ADGRL2: variants seen among roughly 807,000 people sequenced by gnomAD.
ADGRL2 encodes adhesion G protein-coupled receptor L2.
A neutral mutation model predicts 157.4 loss-of-function variants in ADGRL2; 44 were observed. That is an observed-to-expected ratio of 0.28 (90% CI 0.22 to 0.36). ADGRL2 has a LOEUF of 0.36. Among genes scored for constraint, ADGRL2 ranks in the 10% least tolerant of loss-of-function variants. ADGRL2 has a pLI of 1.00. For synonymous variants in ADGRL2, 585 were observed against 624.7 expected, an observed-to-expected ratio of 0.94 and a Z score of 0.95; for missense variants, 1,510 against 1,768.9, an observed-to-expected ratio of 0.85 and a Z score of 2.63.
At chr1:81,563,049 A>G (rs7524055) in intron 2 of ADGRL2, among the ~76,000 whole-genome samples, 5,259 of 152,232 alleles carry the variant, frequency 0.035, 113 homozygotes, top group African/African-American at 0.058. Flanking sequence ...GTGCTGTAAT[A>G]CACTGTATTT....
chr1:81,311,529 A>G (rs12125783), intron 1 of ADGRL2, among the ~76,000 whole-genome samples: 68,680 of 151,960 alleles, frequency 0.45, 15,857 homozygotes, highest in Middle Eastern at 0.55. Context: ...ACTAAGACTA[A>G]AGCCTACTCT....
chr1:81,992,470 G>A lies in ADGRL2; in HGVS notation c.*1325G>A, dbSNP rs1664731168. The A allele has an allele frequency of 6.6e-6, 1 of 152,504 alleles. No individual in the cohort carries two copies. Among genetic ancestry groups the A allele is most frequent in the South Asian group, 2.1e-4 (1 of 4,824 alleles). 9.4% of individuals were successfully genotyped at this position (152,504 alleles called of 1,614,324 possible). ...TATGATACATAATTGGCTTTAACAT[G>A]TTGGTCCATTCCCACCTTGGTTTAA... On this transcript the variant is annotated 3_prime_UTR_variant, in exon 24 of 24. Transcript: ENST00000686636.
At position 81,951,238 on chromosome 1, in the gene ADGRL2, T is replaced by TA. The variant is rs200057725; in HGVS notation, c.1608+126dup. 3,920 of 623,482 alleles carry TA rather than the reference T, an allele frequency of 6.3e-3. 60 individuals are homozygous for TA. Among genetic ancestry groups the TA allele is most frequent in the East Asian group, 0.054 (1,891 of 35,092 alleles). 38.6% of individuals were successfully genotyped at this position (623,482 alleles called of 1,614,324 possible). ...TATTGCTCTTTGTTCAGTATAAAAG[T>TA]AAAAAAAAATTACGCATAGTTTTGT... On this transcript the variant is annotated intron_variant, in intron 8 of 23. Transcript: ENST00000686636.
chr1:81,778,593 C>T (rs1234343547), intron 2 of ADGRL2, among the ~76,000 whole-genome samples: 1 of 152,104 alleles, frequency 6.6e-6, no homozygotes, highest in Admixed American at 6.5e-5. Flanking sequence ...AGCTATTCCG[C>T]ACCGCTCACT....
chr1:81,358,052 C>T (rs1176746030), intron 1 of ADGRL2, among the ~76,000 whole-genome samples: 1 of 152,092 alleles, frequency 6.6e-6, no homozygotes, highest in East Asian at 1.9e-4. Context: ...ACACATTAAA[C>T]TAAAAGACAC....
chr1:81,921,320 A>T (rs2094972861), intron 3 of ADGRL2, among the ~76,000 whole-genome samples: 1 of 152,248 alleles, frequency 6.6e-6, no homozygotes, highest in Non-Finnish European at 1.5e-5. Context: ...ACTATAAAAC[A>T]TGCCACCTCA....
intron 1 of ADGRL2, among the ~76,000 whole-genome samples, chr1:81,440,829 G>T (rs958333202): frequency 5.3e-5 from 8 of 152,064 alleles, no homozygotes; most frequent in Non-Finnish European, 1.0e-4. Flanking sequence ...AATTCCTATT[G>T]ATTGTCTCTG....
rs374036662 is a variant in ADGRL2, at chr1:81,791,572, T to C, written c.-101+29720T>C. Reference sequence around the variant, plus strand: ...TGAATGAATCCACTCAAACCTAATATAATGGGTCAGTGGAACAGTGGCACA... The same window carrying C: ...TGAATGAATCCACTCAAACCTAATACAATGGGTCAGTGGAACAGTGGCACA... On this transcript the variant is annotated intron_variant, in intron 2 of 20. Transcript: ENST00000359929. Among the ~76,000 whole-genome samples the C allele has an allele frequency of 1.3e-3, 190 of 151,254 alleles. 7 individuals carry two copies. The South Asian group carries it at 0.036, about 28-fold the overall frequency.
chr1:81,801,579 C>T (rs1461270308), intron 1 of ADGRL2, among the ~76,000 whole-genome samples: 1 of 152,222 alleles, frequency 6.6e-6, no homozygotes, highest in African/African-American at 2.4e-5. Context: ...CTCCTTGCTT[C>T]CCCGAGCCCG....
chr1:81,468,080 CT>C (rs2078097729), intron 2 of ADGRL2, among the ~76,000 whole-genome samples: 2 of 151,968 alleles, frequency 1.3e-5, no homozygotes, highest in South Asian at 4.1e-4. Flanking sequence ...ATTTGGTTTT[CT>C]CGAAGATTGA....
chr1:81,324,978 A>G (rs981575258), intron 1 of ADGRL2, among the ~76,000 whole-genome samples: 6 of 152,104 alleles, frequency 3.9e-5, no homozygotes, highest in Admixed American at 3.9e-4. Context: ...CGACCTCCCA[A>G]AGTGCTGGGA....
At chr1:81,341,974 A>G (rs1024319692) in intron 1 of ADGRL2, among the ~76,000 whole-genome samples, 1 of 152,192 alleles carries the variant, frequency 6.6e-6, no homozygotes, top group Non-Finnish European at 1.5e-5. Flanking sequence ...GGTAGTGGTT[A>G]CTATTTTTCA....
intron 1 of ADGRL2, among the ~76,000 whole-genome samples, chr1:81,730,580 G>A (rs911743822): frequency 3.3e-5 from 5 of 152,106 alleles, no homozygotes; most frequent in Admixed American, 6.5e-5. Flanking sequence ...AAACTTAGCC[G>A]GGTGTGGTGG....
chr1:81,528,970 A>C (rs949405076), intron 2 of ADGRL2, among the ~76,000 whole-genome samples: 2 of 152,362 alleles, frequency 1.3e-5, no homozygotes, highest in East Asian at 3.9e-4. Context: ...GGCGATGAAT[A>C]AGATTTCCAG....
chr1:81,832,777 A>G (rs2150123256), intron 1 of ADGRL2, among the ~76,000 whole-genome samples: 1 of 152,314 alleles, frequency 6.6e-6, no homozygotes, highest in Middle Eastern at 3.4e-3. Context: ...AGAATGCTGA[A>G]TGTCTGAAGC....
At chr1:81,594,496 A>G (rs1433541884) in intron 3 of ADGRL2, among the ~76,000 whole-genome samples, 1 of 152,222 alleles carries the variant, frequency 6.6e-6, no homozygotes, top group African/African-American at 2.4e-5. Flanking sequence ...TTTCCTTATT[A>G]TAAGGAAAAG....
chr1:81,690,564 A>C (rs1051324959), intron 3 of ADGRL2, among the ~76,000 whole-genome samples: 1 of 152,204 alleles, frequency 6.6e-6, no homozygotes, highest in South Asian at 2.1e-4. Flanking sequence ...TATCTTGGAG[A>C]GGATGAAATG....
intron 2 of ADGRL2, among the ~76,000 whole-genome samples, chr1:81,559,724 T>C (rs1267623367): frequency 6.6e-6 from 1 of 152,184 alleles, no homozygotes; most frequent in Non-Finnish European, 1.5e-5. Flanking sequence ...GTGCAGGTGT[T>C]ATGTTTTTCA....
intron 1 of ADGRL2, among the ~76,000 whole-genome samples, chr1:81,330,935 T>A (rs1239920796): frequency 6.6e-6 from 1 of 152,186 alleles, no homozygotes; most frequent in African/African-American, 2.4e-5. Flanking sequence ...ATTTTAAAGT[T>A]TAACAACAGA....
Sources: gnomAD v4.1 joint callset for allele counts (sites outside exome capture counted in the v4.1 genomes callset) on GRCh38, gnomAD v4.1.1 for gene constraint, MANE v1.5 for transcripts, NCBI Gene and HGNC (gene_info 2026-07-23, HGNC 2026-07-21) for gene names.